Variants in DCC observed in about 807,000 individuals in gnomAD.
DCC encodes DCC netrin 1 receptor.
A neutral mutation model predicts 172.5 loss-of-function variants in DCC; 58 were observed. The observed-to-expected ratio is 0.34, with a 90% CI of 0.27 to 0.42. The LOEUF is 0.42. Ranked by LOEUF, DCC falls within the 10% of genes least tolerant of loss-of-function variation. The pLI is 1.00. For synonymous variants in DCC, 709 were observed against 644.5 expected, an observed-to-expected ratio of 1.10 and a Z score of -1.52; for missense variants, 1,740 against 1,791.0, an observed-to-expected ratio of 0.97 and a Z score of 0.51.
intron 7 of DCC, among the ~76,000 whole-genome samples, chr18:53,068,716 G>GT (rs1330234835): frequency 6.6e-6 from 1 of 151,188 alleles, no homozygotes; most frequent in East Asian, 2.0e-4. Flanking sequence ...GGTTGTCATG[G>GT]TATTTTCTCT....
At chr18:53,181,109 T>C (rs1019976731) in intron 9 of DCC, among the ~76,000 whole-genome samples, 6 of 152,210 alleles carry the variant, frequency 3.9e-5, no homozygotes, top group African/African-American at 1.4e-4. Flanking sequence ...AAAAATTCCT[T>C]AAAGAAATCC....
chr18:52,841,940 A>AT (rs1261853604), intron 2 of DCC, among the ~76,000 whole-genome samples: 1 of 152,076 alleles, frequency 6.6e-6, no homozygotes, highest in Non-Finnish European at 1.5e-5. Flanking sequence ...CAAATATGAG[A>AT]TATATCAAAC....
chr18:53,360,178 A>T (rs1409858364), intron 15 of DCC, among the ~76,000 whole-genome samples: 1 of 152,120 alleles, frequency 6.6e-6, no homozygotes, highest in African/African-American at 2.4e-5. Flanking sequence ...TGTGTGTTTT[A>T]ATCAGTACTT....
intron 1 of DCC, among the ~76,000 whole-genome samples, chr18:52,463,324 A>T (rs1404954593): frequency 6.6e-6 from 1 of 152,008 alleles, no homozygotes; most frequent in South Asian, 2.1e-4. Context: ...TCTCGACTGC[A>T]CTGGCCACCT....
At chr18:53,102,871 A>G (rs1043305891) in intron 7 of DCC, among the ~76,000 whole-genome samples, 1 of 152,086 alleles carries the variant, frequency 6.6e-6, no homozygotes, top group Admixed American at 6.6e-5. Context: ...TGTGTAAGGT[A>G]GCCTTTCTGC....
chr18:52,881,916 T>C (rs575554319), intron 2 of DCC, among the ~76,000 whole-genome samples: 2 of 152,142 alleles, frequency 1.3e-5, no homozygotes, highest in Admixed American at 6.5e-5. Context: ...AAAATACTGA[T>C]TCTTCCAATC....
chr18:53,525,748 T>C (rs2046447901), intron 27 of DCC, among the ~76,000 whole-genome samples: 4 of 152,100 alleles, frequency 2.6e-5, no homozygotes, highest in Admixed American at 2.0e-4. Context: ...AGAAGAGAAC[T>C]GAGGCCACTG....
At chr18:53,291,299 A>G (rs868811217) in intron 12 of DCC, among the ~76,000 whole-genome samples, 2 of 152,132 alleles carry the variant, frequency 1.3e-5, no homozygotes, top group Admixed American at 6.5e-5. Flanking sequence ...GTTTGTCACA[A>G]TTATTTTATC....
chr18:53,162,383 T>A (rs2054855769), intron 8 of DCC, among the ~76,000 whole-genome samples: 1 of 151,928 alleles, frequency 6.6e-6, no homozygotes. Context: ...TACAACCAAG[T>A]CTCATTGGAA....
At chr18:52,960,041 T>G (rs1568212177) in intron 5 of DCC, among the ~76,000 whole-genome samples, 1 of 152,120 alleles carries the variant, frequency 6.6e-6, no homozygotes, top group Non-Finnish European at 1.5e-5. Flanking sequence ...AAGGTATAGT[T>G]TCTACTAACA....
chr18:53,516,362 G>A (rs2046333650), intron 27 of DCC, among the ~76,000 whole-genome samples: 1 of 146,614 alleles, frequency 6.8e-6, no homozygotes, highest in Non-Finnish European at 1.5e-5. Flanking sequence ...AGAAAACCTA[G>A]GCATTACCAT....
intron 15 of DCC, among the ~76,000 whole-genome samples, chr18:53,381,543 T>C (rs1275928332): frequency 7.4e-6 from 1 of 134,838 alleles, no homozygotes; most frequent in East Asian, 2.7e-4. Context: ...TGTTTCATTC[T>C]TTTATATTTA....
rs556663185 is a variant in DCC at position 53,122,230 on chromosome 18, T to C, written c.1262-35126T>C. On this transcript the variant is annotated intron_variant, in intron 7 of 28. Transcript: ENST00000442544. The stretch of plus-strand genomic sequence containing the variant: ...CCTAAATGCCCTTAGCTGGTATAGT[T>C]GTGATGCTCAGTGCTAATTTTACTG... 5.3e-5 allele frequency among the ~76,000 whole-genome samples: 8 copies of C among 152,114 alleles called. No individual in the cohort carries two copies. In the East Asian group the frequency reaches 1.4e-3, roughly 26 times the overall value.
chr18:53,255,384 G>A lies in DCC; in HGVS notation c.1911+39787G>A, dbSNP rs562055623. On this transcript the variant is annotated intron_variant, in intron 12 of 28. Transcript: ENST00000442544. ...TCCCCCCTCCCCCCACCCCACAACA[G>A]GCCATGGTGTGTGATGTTCCCCTTC... Among the ~76,000 whole-genome samples, 197 of 107,344 alleles carry A rather than the reference G, an allele frequency of 1.8e-3. 1 individual carries two copies. Among genetic ancestry groups the A allele is most frequent in the African/African-American group, 7.3e-3 (189 of 25,838 alleles). The allele number at this position is 107,344 out of a possible 152,430, so 70.4% of individuals were successfully genotyped here. A position where few individuals can be genotyped will look rare whatever the true frequency, so the allele number is the denominator to read the frequency against.
intron 12 of DCC, among the ~76,000 whole-genome samples, chr18:53,230,051 A>T (rs1214789675): frequency 6.6e-6 from 1 of 152,104 alleles, no homozygotes; most frequent in East Asian, 1.9e-4. Flanking sequence ...ATCTGTGTAT[A>T]AGTATCTCCA....
chr18:53,294,244 C>T (rs1287013804), intron 12 of DCC, among the ~76,000 whole-genome samples: 4 of 152,048 alleles, frequency 2.6e-5, no homozygotes, highest in African/African-American at 9.7e-5. Context: ...TAAAAAATAA[C>T]CCTAACTGTG....
intron 12 of DCC, 46 bp downstream of exon 12, chr18:53,215,643 C>G: frequency 6.8e-7 from 1 of 1,480,006 alleles, no homozygotes. Context: ...TCAAGATTAC[C>G]TATCATGTAT....
At chr18:52,927,166 T>TAC (rs770105006) in intron 5 of DCC, among the ~76,000 whole-genome samples, 38,903 of 69,236 alleles carry the variant, frequency 0.56, 13,992 homozygotes, top group Middle Eastern at 0.74. Context: ...TACGTATATA[T>TAC]GTGTATATAT....
At chr18:53,351,280 C>T (rs1333874164) in intron 15 of DCC, among the ~76,000 whole-genome samples, 1 of 80,416 alleles carries the variant, frequency 1.2e-5, no homozygotes, top group Non-Finnish European at 2.5e-5. Flanking sequence ...AAGATCTTCT[C>T]ATTGAGTACA....
Sources: allele counts gnomAD v4.1 joint callset (sites outside exome capture counted in the v4.1 genomes callset), GRCh38; gene constraint gnomAD v4.1.1; transcripts MANE v1.5; gene names NCBI Gene and HGNC (gene_info 2026-07-23, HGNC 2026-07-21).